The following PRORP variants were observed in gnomAD, a reference collection of about 807,000 sequenced individuals.
The protein encoded by PRORP is mitochondrial ribonuclease P catalytic subunit.
Under a neutral mutation model 59.4 loss-of-function variants are expected in PRORP, and 51 were observed. The observed-to-expected ratio is 0.86, with a 90% confidence interval of 0.69 to 1.08. The LOEUF (loss-of-function observed/expected upper bound fraction) is 1.08. Ranked by LOEUF, PRORP falls within the 50% of genes least tolerant of loss-of-function variation. PRORP has a pLI of 0.00. For synonymous variants in PRORP, 231 were observed against 245.6 expected (o/e 0.94, Z 0.55); for missense variants, 646 against 690.3 (o/e 0.94, Z 0.72).
chr14:35,266,702 G>A (rs1008817115), intron 5 of PRORP, 25 bp from the exon 6 acceptor site: 1 of 1,610,314 alleles, frequency 6.2e-7, no homozygotes, highest in Non-Finnish European at 8.5e-7. Context: ...TTGAACTTTT[G>A]TGGTTCTGGC....
At chr14:35,189,812 A>T (rs965089077) in intron 5 of PRORP, among the ~76,000 whole-genome samples, 2 of 152,164 alleles carry the variant, frequency 1.3e-5, no homozygotes, top group African/African-American at 2.4e-5. Flanking sequence ...AAATTTTTTT[A>T]AAAAATAAGC....
intron 5 of PRORP, among the ~76,000 whole-genome samples, chr14:35,245,571 G>C (rs2050463711): frequency 6.6e-6 from 1 of 152,156 alleles, no homozygotes. Flanking sequence ...CTTGAGTCCA[G>C]GAGGTCTAGG....
At chr14:35,155,319 A>G (rs1019010369) in intron 4 of PRORP, among the ~76,000 whole-genome samples, 2 of 152,092 alleles carry the variant, frequency 1.3e-5, no homozygotes, top group African/African-American at 4.8e-5. Context: ...ATGAAACAAG[A>G]TTGGTCATGA....
chr14:35,180,235 T>C (rs1261996219), intron 4 of PRORP, among the ~76,000 whole-genome samples: 1 of 152,140 alleles, frequency 6.6e-6, no homozygotes, highest in Non-Finnish European at 1.5e-5. Context: ...ACTGCTCTCT[T>C]CAAAGCTCAG....
At chr14:35,271,593 A>G (rs915014173) in intron 7 of PRORP, among the ~76,000 whole-genome samples, 3 of 152,204 alleles carry the variant, frequency 2.0e-5, no homozygotes, top group Non-Finnish European at 2.9e-5. Flanking sequence ...GACAGTCTCA[A>G]TTGAATTCTC....
At chr14:35,235,619 T>A (rs1432155403) in intron 5 of PRORP, 1 of 473,120 alleles carries the variant, frequency 2.1e-6, no homozygotes. Flanking sequence ...AGCTTTCTTC[T>A]TGGCCTGGAC....
intron 5 of PRORP, among the ~76,000 whole-genome samples, chr14:35,194,057 G>T (rs1371025933): frequency 6.6e-6 from 1 of 152,162 alleles, no homozygotes; most frequent in Non-Finnish European, 1.5e-5. Context: ...ATTGAAAGTG[G>T]AGGGATGGGA....
At chr14:35,245,598 T>C (rs1337698781) in intron 5 of PRORP, among the ~76,000 whole-genome samples, 1 of 152,176 alleles carries the variant, frequency 6.6e-6, no homozygotes, top group African/African-American at 2.4e-5. Context: ...TGAGCCCTGA[T>C]TGTGCCACTT....
Position 35,157,684 on chromosome 14 carries a change from T to C in PRORP, c.1168-22986T>C, listed in dbSNP as rs147110219. 5.6e-3 allele frequency among the ~76,000 whole-genome samples: 851 copies of C among 152,282 alleles called. 3 individuals carry two copies. The highest frequency in any genetic ancestry group is 0.01 in the Middle Eastern group (3 of 294). ...GGATTACAGTGTGAGCCACGGTGCC[T>C]GGCCTGTTACTTTCTATTAATAAGT... is the stretch of plus-strand genomic sequence containing the variant. On this transcript the variant is annotated intron_variant, in intron 4 of 7. Coordinates refer to ENST00000534898, the MANE Select transcript of PRORP (RefSeq NM_014672.4).
At position 35,143,789 on chromosome 14, in the gene PRORP, C is replaced by G. The variant is rs150064568; in HGVS notation, c.1167+16178C>G. 2.3e-3 allele frequency among the ~76,000 whole-genome samples: 331 copies of G among 144,984 alleles called. 11 individuals are homozygous for G. Among genetic ancestry groups the G allele is most frequent in the African/African-American group, 7.7e-3 (317 of 41,026 alleles). ...CAGCCTTCCCAAGTAGCTGGGATTA[C>G]AGGCATGCGCCACCAAGCCTGGCTA... On this transcript the variant is annotated intron_variant, in intron 4 of 7. Coordinates refer to ENST00000534898, the MANE Select transcript of PRORP (RefSeq NM_014672.4).
At chr14:35,171,059 G>A (rs2048303220) in intron 4 of PRORP, among the ~76,000 whole-genome samples, 1 of 152,120 alleles carries the variant, frequency 6.6e-6, no homozygotes, top group Admixed American at 6.5e-5. Flanking sequence ...ATGTTGGTCA[G>A]GCTGGTCTTG....
intron 5 of PRORP, among the ~76,000 whole-genome samples, chr14:35,247,822 G>T (rs2050519753): frequency 6.6e-6 from 1 of 152,058 alleles, no homozygotes. Flanking sequence ...ATATCTTACA[G>T]AGAAAATAAA....
intron 5 of PRORP, among the ~76,000 whole-genome samples, chr14:35,201,502 C>T (rs12433113): frequency 0.76 from 115,876 of 151,940 alleles, 44,299 homozygotes; most frequent in Middle Eastern, 0.82. Context: ...GCTTATTTTG[C>T]TGCTCACAGT....
intron 5 of PRORP, among the ~76,000 whole-genome samples, chr14:35,227,647 T>G (rs1262988319): frequency 2.6e-5 from 4 of 152,100 alleles, no homozygotes; most frequent in African/African-American, 9.7e-5. Context: ...AAAAATATCC[T>G]TACTTCTCCC....
intron 4 of PRORP, among the ~76,000 whole-genome samples, chr14:35,137,939 T>C (rs1435340166): frequency 6.9e-6 from 1 of 145,718 alleles, no homozygotes; most frequent in Non-Finnish European, 1.5e-5. Context: ...GGTTGGTTGG[T>C]TGTTTTTTTT....
chr14:35,181,982 G>T (rs1172482295), intron 5 of PRORP, among the ~76,000 whole-genome samples: 1 of 151,994 alleles, frequency 6.6e-6, no homozygotes. Flanking sequence ...GCAAAATGTA[G>T]GCCAGGCATG....
chr14:35,138,620 A>G (rs2047421713), intron 4 of PRORP, among the ~76,000 whole-genome samples: 1 of 145,286 alleles, frequency 6.9e-6, no homozygotes. Context: ...AACACCTAAA[A>G]TGAGCATTAT....
Position 35,266,271 on chromosome 14 carries a change from C to T in PRORP, c.1276-456C>T, listed in dbSNP as rs566883969. Among the ~76,000 whole-genome samples, 27 of 151,152 alleles carry T rather than the reference C, an allele frequency of 1.8e-4. No homozygotes were observed. In the East Asian group the frequency reaches 4.7e-3, roughly 26 times the overall value. On this transcript the variant is annotated intron_variant, in intron 5 of 7. Transcript: ENST00000534898. ...GGGAGAGGTTGCAGTGAGCTGAGAT[C>T]TCGCCATTGTACTCCAGCCTGGGCA...
At chr14:35,175,885 A>C (rs2048436874) in intron 4 of PRORP, among the ~76,000 whole-genome samples, 1 of 152,176 alleles carries the variant, frequency 6.6e-6, no homozygotes, top group East Asian at 1.9e-4. Context: ...TCTAACATTT[A>C]AGTCTTTAAT....
Sources: allele counts gnomAD v4.1 joint callset (sites outside exome capture counted in the v4.1 genomes callset), GRCh38; gene constraint gnomAD v4.1.1; transcripts MANE v1.5; gene names NCBI Gene and HGNC (gene_info 2026-07-23, HGNC 2026-07-21).